FAAH2: variants seen among roughly 807,000 people sequenced by gnomAD.
FAAH2 encodes the protein fatty-acid amide hydrolase 2.
In FAAH2, 60 loss-of-function variants were observed where a neutral mutation model predicts 36.9. The ratio of observed to expected loss-of-function variants is 1.63; its 90% CI spans 1.32 to 2.02. The LOEUF (loss-of-function observed/expected upper bound fraction) is 2.02, where lower values mean the gene tolerates loss of function less well. Ranked by LOEUF, FAAH2 falls within the 30% of genes most tolerant of loss-of-function variation. The pLI is 0.00. For synonymous variants in FAAH2, 214 were observed against 143.8 expected (o/e 1.49, Z -3.49); for missense variants, 689 against 397.5 (o/e 1.73, Z -6.23).
At chrX:57,224,668 C>A in the FAAH2 span, among the ~76,000 whole-genome samples, 2 of 112,371 alleles carry the variant, frequency 1.8e-5, no homozygotes, top group East Asian at 2.8e-4. Context: ...AACAATGTAG[C>A]AGTTACGTCA....
chrX:57,191,189 A>T, the FAAH2 span, among the ~76,000 whole-genome samples: 60 of 111,997 alleles, frequency 5.4e-4, no homozygotes, highest in African/African-American at 1.9e-3. Flanking sequence ...TTTTAAGTGG[A>T]GTGAGATAGT....
chrX:57,144,225 C>T, the FAAH2 span, among the ~76,000 whole-genome samples: 3 of 110,752 alleles, frequency 2.7e-5, no homozygotes, highest in Non-Finnish European at 5.7e-5. Context: ...TTTCTTTTGC[C>T]GACTTTAGGA....
In FAAH2 at chrX:57,458,780, T is replaced by C. The variant is rs553636858; in HGVS notation, c.1423+10062T>C. Reference sequence around the variant, plus strand: ...AGGGAAGCCCTGAGAGACTGGGCTATCCAGCCCATTTACTATGCTTTCCCC... The same window carrying C: ...AGGGAAGCCCTGAGAGACTGGGCTACCCAGCCCATTTACTATGCTTTCCCC... On this transcript the variant is annotated intron_variant, in intron 10 of 10. Transcript: ENST00000374900. 6.3e-5 allele frequency among the ~76,000 whole-genome samples: 7 copies of C among 111,985 alleles called. 1 individual carries two copies. In the South Asian group the frequency reaches 2.6e-3, roughly 42 times the overall value.
At chrX:57,266,800 C>A in the FAAH2 span, among the ~76,000 whole-genome samples, 1 of 112,415 alleles carries the variant, frequency 8.9e-6, no homozygotes, top group Non-Finnish European at 1.9e-5. Flanking sequence ...AGTGGTGGAA[C>A]AGCAAGCCAG....
chrX:57,143,792 A>G, the FAAH2 span, among the ~76,000 whole-genome samples: 1 of 111,443 alleles, frequency 9.0e-6, no homozygotes, highest in Non-Finnish European at 1.9e-5. Flanking sequence ...ATTATTTTTG[A>G]TAGCTTTGTC....
intron 7 of FAAH2, among the ~76,000 whole-genome samples, chrX:57,416,339 T>C (rs1038381319): frequency 1.8e-5 from 2 of 111,667 alleles, no homozygotes; most frequent in Non-Finnish European, 3.8e-5. Context: ...CTTTACAATT[T>C]TGTATTTTTT....
chrX:57,284,700 C>T (rs993497342), upstream of FAAH2, among the ~76,000 whole-genome samples: 12 of 110,609 alleles, frequency 1.1e-4, no homozygotes, highest in Non-Finnish European at 2.1e-4. Flanking sequence ...CCAACAATGG[C>T]AATATACTTA....
the FAAH2 span, among the ~76,000 whole-genome samples, chrX:57,173,477 G>C: frequency 8.9e-6 from 1 of 111,997 alleles, no homozygotes; most frequent in African/African-American, 3.2e-5. Context: ...GAGCCTTTTG[G>C]AGGAGTCTTT....
the FAAH2 span, among the ~76,000 whole-genome samples, chrX:57,227,208 G>T: frequency 2.7e-5 from 3 of 110,736 alleles, no homozygotes; most frequent in Non-Finnish European, 3.8e-5. Context: ...TCGGGTCGGG[G>T]GGTGTTGAGG....
At chrX:57,333,608 A>AAAT (rs386417035) in intron 4 of FAAH2, among the ~76,000 whole-genome samples, 46 of 110,736 alleles carry the variant, frequency 4.2e-4, no homozygotes, top group African/African-American at 1.1e-3. Flanking sequence ...ATAAAAAAAA[A>AAAT]ATATAACAGA....
chrX:57,394,203 C>G, intron 7 of FAAH2: 1 of 656,032 alleles, frequency 1.5e-6, no homozygotes, highest in Admixed American at 2.2e-5. Flanking sequence ...AAGGTGGGGC[C>G]CTGAGAAGGC....
intron 8 of FAAH2, among the ~76,000 whole-genome samples, chrX:57,437,129 T>A (rs1426242259): frequency 9.0e-6 from 1 of 111,344 alleles, no homozygotes; most frequent in Non-Finnish European, 1.9e-5. Context: ...AACAAAACCA[T>A]ATAATTATCT....
chrX:57,254,742 A>G, the FAAH2 span, among the ~76,000 whole-genome samples: 1 of 112,111 alleles, frequency 8.9e-6, no homozygotes, highest in African/African-American at 3.2e-5. Flanking sequence ...CAAAGACACA[A>G]CATACCAGAA....
At chrX:57,400,352 C>G (rs917732485) in intron 7 of FAAH2, among the ~76,000 whole-genome samples, 1 of 112,368 alleles carries the variant, frequency 8.9e-6, no homozygotes, top group African/African-American at 3.2e-5. Flanking sequence ...ACATCAATTT[C>G]CTTACTCAGG....
chrX:57,401,636 C>A (rs565455062), intron 7 of FAAH2, among the ~76,000 whole-genome samples: 5 of 111,343 alleles, frequency 4.5e-5, no homozygotes, highest in African/African-American at 1.6e-4. Context: ...CTTTAACAAT[C>A]TTTTGGAATC....
chrX:57,319,277 G>A (rs189098404), intron 3 of FAAH2, among the ~76,000 whole-genome samples: 9 of 111,463 alleles, frequency 8.1e-5, no homozygotes, highest in African/African-American at 2.6e-4. Context: ...AAACCCCATC[G>A]TCTCAGCCCA....
the FAAH2 span, among the ~76,000 whole-genome samples, chrX:57,156,937 A>C: frequency 8.9e-6 from 1 of 112,244 alleles, no homozygotes; most frequent in Non-Finnish European, 1.9e-5. Context: ...TTCAGTGTCC[A>C]AATACATTTT....
chrX:57,159,888 G>A, the FAAH2 span, among the ~76,000 whole-genome samples: 8 of 111,675 alleles, frequency 7.2e-5, no homozygotes, highest in Non-Finnish European at 1.5e-4. Context: ...AATAGGAGTG[G>A]TGAGAGAGGG....
the FAAH2 span, among the ~76,000 whole-genome samples, chrX:57,279,874 A>T: frequency 8.9e-6 from 1 of 111,801 alleles, no homozygotes; most frequent in Non-Finnish European, 1.9e-5. Flanking sequence ...ACAAACTCAC[A>T]GCCAACATCA....
Sources: gnomAD v4.1 joint callset for allele counts (sites outside exome capture counted in the v4.1 genomes callset) on GRCh38, gnomAD v4.1.1 for gene constraint, MANE v1.5 for transcripts, NCBI Gene and HGNC (gene_info 2026-07-23, HGNC 2026-07-21) for gene names.